IFNAR1: variants seen among roughly 807,000 people sequenced by gnomAD.
IFNAR1 encodes the protein interferon alpha/beta receptor 1.
In IFNAR1, 47 loss-of-function variants were observed where a neutral mutation model predicts 62.1. That is an observed-to-expected ratio of 0.76 (90% CI 0.60 to 0.97). IFNAR1 has a LOEUF of 0.97. Ranked by LOEUF, IFNAR1 falls within the 50% of genes least tolerant of loss-of-function variation. The pLI is 0.00. For synonymous variants in IFNAR1, 219 were observed against 226.9 expected, an observed-to-expected ratio of 0.97 and a Z score of 0.31; for missense variants, 638 against 654.5, an observed-to-expected ratio of 0.97 and a Z score of 0.27.
At chr21:33,352,602 CA>C (rs564455304) in intron 8 of IFNAR1, among the ~76,000 whole-genome samples, 155 bp from the exon 9 acceptor site, 1 of 142,072 alleles carries the variant, frequency 7.0e-6, no homozygotes, top group South Asian at 2.1e-4. Flanking sequence ...GACTGTCTCA[CA>C]AAAAAAACAA....
intron 5 of IFNAR1, 121 bp from the exon 6 acceptor site, chr21:33,345,125 T>G: frequency 1.6e-6 from 1 of 630,476 alleles, no homozygotes. Context: ...TTACATAGTG[T>G]GAATACAAAC....
At position 33,359,545 on chromosome 21, in the gene IFNAR1, A is replaced by G. The variant is rs2083480622; in HGVS notation, c.*3996A>G. ...ATGGCTGGAGCTCAGTCTTCATTGA[A>G]TGAAGTTTGCTGTGGTATTGCATAG... On this transcript the variant is annotated 3_prime_UTR_variant, in exon 11 of 11. Transcript: ENST00000270139. 1 of 152,152 alleles carries G rather than the reference A, an allele frequency of 6.6e-6. No homozygotes were observed. The highest frequency in any genetic ancestry group is 2.4e-5 in the African/African-American group (1 of 41,428). 9.4% of individuals were successfully genotyped at this position (152,152 alleles called of 1,614,324 possible). A position where few individuals can be genotyped will look rare whatever the true frequency, so the allele number is the denominator to read the frequency against.
At chr21:33,346,636 GGAAA>G (rs1266955203) in intron 6 of IFNAR1, among the ~76,000 whole-genome samples, 1 of 152,204 alleles carries the variant, frequency 6.6e-6, no homozygotes, top group African/African-American at 2.4e-5. Flanking sequence ...CTGAAGAAAT[GGAAA>G]GAGTCAGCAG....
chr21:33,347,277 G>A (rs548881933), intron 6 of IFNAR1, among the ~76,000 whole-genome samples: 180 of 152,108 alleles, frequency 1.2e-3, no homozygotes, highest in African/African-American at 4.0e-3. Flanking sequence ...CTACAGGTGT[G>A]CACCACCACA....
intron 1 of IFNAR1, among the ~76,000 whole-genome samples, chr21:33,328,223 A>G (rs1043619791): frequency 8.5e-5 from 13 of 152,210 alleles, no homozygotes; most frequent in African/African-American, 2.9e-4. Context: ...AAGCAAAAAG[A>G]GTGGACACCC....
At chr21:33,351,435 G>A (rs1179302768) in intron 8 of IFNAR1, among the ~76,000 whole-genome samples, 2 of 152,194 alleles carry the variant, frequency 1.3e-5, no homozygotes, top group Admixed American at 6.5e-5. Flanking sequence ...CACAGCCTCC[G>A]TGGGAGCTGC....
rs1451557233 is a variant in IFNAR1, at chr21:33,359,374, G to GTATT, written c.*3826_*3829dup. 2.0e-5 allele frequency: 3 copies of GTATT among 152,136 alleles called. No homozygotes were observed. The highest frequency in any genetic ancestry group is 7.2e-5 in the African/African-American group (3 of 41,418). 9.4% of individuals were successfully genotyped at this position (152,136 alleles called of 1,614,324 possible). On this transcript the variant is annotated 3_prime_UTR_variant, in exon 11 of 11. Transcript: ENST00000270139. ...ATGCTGCAGCTGATGCCTTTAAAAG[G>GTATT]TATTCATCATGGAAGAGCTGAGGCC...
chr21:33,331,890 A>G (rs1249584578), intron 1 of IFNAR1, among the ~76,000 whole-genome samples: 1 of 152,162 alleles, frequency 6.6e-6, no homozygotes, highest in Non-Finnish European at 1.5e-5. Context: ...AATCAAAGCT[A>G]CAACCCATTC....
chr21:33,339,864 G>A (rs1341466124), intron 2 of IFNAR1, among the ~76,000 whole-genome samples: 1 of 148,772 alleles, frequency 6.7e-6, no homozygotes, highest in African/African-American at 2.5e-5. Context: ...GGAAGTGGAG[G>A]TTGCAGTGGG....
chr21:33,343,251 T>C lies in IFNAR1; in HGVS notation c.377-17T>C. 4.4e-6 allele frequency: 7 copies of C among 1,605,710 alleles called. No homozygotes were observed. The highest frequency in any genetic ancestry group is 6.0e-6 in the Non-Finnish European group (7 of 1,176,044). On this transcript the variant is annotated splice_polypyrimidine_tract_variant and intron_variant, in intron 3 of 10. Transcript: ENST00000270139. Reference sequence around the variant, plus strand: ...TATTAATAAAGTTCCATAGTAATTGTTTTGATTTTTTTGCAGCTCAGATTG... The same window carrying C: ...TATTAATAAAGTTCCATAGTAATTGCTTTGATTTTTTTGCAGCTCAGATTG...
rs750472416 is a variant in IFNAR1, at chr21:33,340,970, CTCAT to C, written c.201-23_201-20del. On this transcript the variant is annotated intron_variant, in intron 2 of 10. Coordinates refer to ENST00000270139, the MANE Select transcript of IFNAR1 (RefSeq NM_000629.3). Reference sequence around the variant, plus strand: ...ACACTTACATTTATACATTTGCTCACTCATTCATTTGTTTTTTTTACTTTAAAGA... The same window carrying C: ...ACACTTACATTTATACATTTGCTCACTCATTTGTTTTTTTTACTTTAAAGA... 4.0e-5 allele frequency: 57 copies of C among 1,431,418 alleles called. 1 individual carries two copies. Among genetic ancestry groups the C allele is most frequent in the Non-Finnish European group, 2.0e-6 (2 of 1,020,080 alleles). The allele number at this position is 1,431,418 out of a possible 1,614,324, so 88.7% of individuals were successfully genotyped here. A position where few individuals can be genotyped will look rare whatever the true frequency, so the allele number is the denominator to read the frequency against.
chr21:33,357,175 C>G lies in IFNAR1; in HGVS notation c.*1626C>G, dbSNP rs17875865. ...GGGCAGTGTTCTCACAGCACCGTTC[C>G]GACAGGGACCAGTGAAAGAAAAGAG... On this transcript the variant is annotated 3_prime_UTR_variant, in exon 11 of 11. Transcript: ENST00000270139. The G allele has an allele frequency of 2.7e-4, 41 of 152,178 alleles. No homozygotes were observed. Among genetic ancestry groups the G allele is most frequent in the African/African-American group, 9.9e-4 (41 of 41,438 alleles). 9.4% of individuals were successfully genotyped at this position (152,178 alleles called of 1,614,324 possible). A position where few individuals can be genotyped will look rare whatever the true frequency, so the allele number is the denominator to read the frequency against.
At chr21:33,330,812 G>A (rs1353046655) in intron 1 of IFNAR1, among the ~76,000 whole-genome samples, 1 of 152,202 alleles carries the variant, frequency 6.6e-6, no homozygotes, top group Non-Finnish European at 1.5e-5. Context: ...CCTATGGCAA[G>A]GAGATAAACA....
intron 8 of IFNAR1, 48 bp downstream of exon 8, chr21:33,349,591 G>T: frequency 7.4e-7 from 1 of 1,348,034 alleles, no homozygotes. Flanking sequence ...TTATAATTAT[G>T]ATTTGGGTAA....
intron 2 of IFNAR1, among the ~76,000 whole-genome samples, chr21:33,337,686 C>T (rs9982408): frequency 1.0e-4 from 6 of 58,536 alleles, no homozygotes; most frequent in Non-Finnish European, 2.2e-4. Flanking sequence ...ATAATACATA[C>T]TGTATACATA....
Position 33,335,615 on chromosome 21 carries a change from C to T in IFNAR1, c.168C>T (p.Val56=), listed in dbSNP as rs779146071. 27 of 1,598,138 alleles carry T rather than the reference C, an allele frequency of 1.7e-5. No individual in the cohort carries two copies. The highest frequency in any genetic ancestry group is 5.2e-5 in the Admixed American group (3 of 58,180). The stretch of plus-strand genomic sequence containing the variant: ...GGTGGAACAGGAGCGATGAGTCTGT[C>T]GGGAATGTGACTTTTTCATTCGATT... ...ILRWNRSDES[V]GNVTFSFDYQ... is the part of the protein sequence containing the mutation. The change falls in exon 2 of 11, where the codon GTC becomes GTT. Residue 56 remains valine, a synonymous_variant. Transcript: ENST00000270139.
rs1472599936 is a variant in IFNAR1 at position 33,356,837 on chromosome 21, TG to T, written c.*1290del. 1 of 152,214 alleles carries T rather than the reference TG, an allele frequency of 6.6e-6. No homozygotes were observed. The highest frequency in any genetic ancestry group is 1.5e-5 in the Non-Finnish European group (1 of 68,038). The allele number at this position is 152,214 out of a possible 1,614,324, so 9.4% of individuals were successfully genotyped here. On this transcript the variant is annotated 3_prime_UTR_variant, in exon 11 of 11. Coordinates refer to ENST00000270139, the MANE Select transcript of IFNAR1 (RefSeq NM_000629.3). ...TGCAAGAGGAAGAAGAATGTTCCAC[TG>T]GAAGCCTGAGCACCTAATCAGCTCT...
In IFNAR1 at chr21:33,358,138, T is replaced by A. The variant is rs2083466778; in HGVS notation, c.*2589T>A. ...CTTCACGCTTTAAGACCATCTGTGG[T>A]TTTCAGTGAACAAGCGCTGAGCACC... On this transcript the variant is annotated 3_prime_UTR_variant, in exon 11 of 11. Coordinates refer to ENST00000270139, the MANE Select transcript of IFNAR1 (RefSeq NM_000629.3). 6.6e-6 allele frequency: 1 copy of A among 152,112 alleles called. No homozygotes were observed. Among genetic ancestry groups the A allele is most frequent in the Non-Finnish European group, 1.5e-5 (1 of 68,020 alleles). The allele number at this position is 152,112 out of a possible 1,614,324, so 9.4% of individuals were successfully genotyped here.
intron 1 of IFNAR1, among the ~76,000 whole-genome samples, chr21:33,325,466 C>G (rs2083118147): frequency 6.6e-6 from 1 of 152,208 alleles, no homozygotes; most frequent in South Asian, 2.1e-4. Context: ...TGATAATAAA[C>G]AAAACATTTC....
Sources: gnomAD v4.1 joint callset for allele counts (sites outside exome capture counted in the v4.1 genomes callset) on GRCh38, gnomAD v4.1.1 for gene constraint, MANE v1.5 for transcripts, NCBI Gene and HGNC (gene_info 2026-07-23, HGNC 2026-07-21) for gene names.